ZPBP: variants seen among roughly 807,000 people sequenced by gnomAD.
ZPBP encodes zona pellucida-binding protein 1.
A neutral mutation model predicts 44.8 loss-of-function variants in ZPBP; 26 were observed. The ratio of observed to expected loss-of-function variants is 0.58; its 90% confidence interval spans 0.43 to 0.81. The LOEUF is 0.81. Ranked by LOEUF, ZPBP falls within the 30% of genes least tolerant of loss-of-function variation. The pLI is 0.00. For synonymous variants in ZPBP, 174 were observed against 153.2 expected (o/e 1.14, Z -1.00); for missense variants, 409 against 434.0 (o/e 0.94, Z 0.51).
chr7:50,065,885 C>T lies in ZPBP; in HGVS notation c.335-7744G>A, dbSNP rs546779441. On this transcript the variant is annotated intron_variant, in intron 3 of 7. Transcript: ENST00000046087. ...AAGGCCTGTTCCTTTTAACTTGTAA[C>T]AGTGCTGTCTGTCCTGTAGACCAAA... Among the ~76,000 whole-genome samples the T allele has an allele frequency of 1.2e-4, 18 of 151,096 alleles. No homozygotes were observed. In the East Asian group the frequency reaches 3.5e-3, roughly 29 times the overall value.
At chr7:49,965,100 G>T (rs188289457) in intron 7 of ZPBP, among the ~76,000 whole-genome samples, 116 of 152,088 alleles carry the variant, frequency 7.6e-4, no homozygotes, top group Non-Finnish European at 1.1e-3. Context: ...CAGATCATTG[G>T]CCCAGCTAAT....
chr7:49,962,510 T>C (rs879349650), intron 7 of ZPBP, among the ~76,000 whole-genome samples: 1 of 151,892 alleles, frequency 6.6e-6, no homozygotes, highest in African/African-American at 2.4e-5. Flanking sequence ...ATGGCATTTA[T>C]GAAAAGCCCA....
rs567502568 is a variant in ZPBP, at chr7:49,893,995, G to T, written n.509+7123C>A. On this transcript the variant is annotated intron_variant and non_coding_transcript_variant, in intron 2 of 2. Coordinates refer to the ZPBP transcript ENST00000465922. ...CTCACTGCTTGGAGTTCTGCTCCAT[G>T]GGGGCTGTGTCATTCTGGTGTGACG... Among the ~76,000 whole-genome samples the T allele has an allele frequency of 2.0e-5, 3 of 152,268 alleles. No individual in the cohort carries two copies. In the South Asian group the frequency reaches 6.2e-4, roughly 32 times the overall value.
At chr7:49,894,888 T>C (rs866924233) in intron 2 of ZPBP, among the ~76,000 whole-genome samples, 3 of 152,332 alleles carry the variant, frequency 2.0e-5, no homozygotes, top group Middle Eastern at 3.4e-3. Context: ...AGGGCAGCAG[T>C]AGGCGCCGAA....
Position 50,009,313 on chromosome 7 carries a change from C to T in ZPBP, c.783+8927G>A, listed in dbSNP as rs540250507. ...ACTTAATTCTTCCCTGATATTTCAACGTCCTCTCAAACAGACTGTGAGCAC... is the reference window on the plus strand; with the variant it reads ...ACTTAATTCTTCCCTGATATTTCAATGTCCTCTCAAACAGACTGTGAGCAC... On this transcript the variant is annotated intron_variant, in intron 6 of 7. Transcript: ENST00000046087. Among the ~76,000 whole-genome samples the T allele has an allele frequency of 1.1e-4, 16 of 151,404 alleles. 2 individuals are homozygous for T. Among genetic ancestry groups the T allele is most frequent in the South Asian group, 6.3e-4 (3 of 4,788 alleles).
intron 6 of ZPBP, among the ~76,000 whole-genome samples, chr7:50,013,718 T>C (rs1798686459): frequency 6.6e-6 from 1 of 152,078 alleles, no homozygotes; most frequent in Admixed American, 6.6e-5. Context: ...ATGACCCCGA[T>C]ATGAAAGACT....
intron 1 of ZPBP, chr7:49,913,780 A>G (rs1044918290): frequency 1.3e-5 from 2 of 152,238 alleles, no homozygotes; most frequent in African/African-American, 4.8e-5. Flanking sequence ...TATATAAAAA[A>G]TAATTCAATC....
intron 6 of ZPBP, among the ~76,000 whole-genome samples, chr7:50,005,847 G>C (rs1798286680): frequency 6.6e-6 from 1 of 151,142 alleles, no homozygotes; most frequent in Non-Finnish European, 1.5e-5. Flanking sequence ...GTGTGTGTGT[G>C]TGTGTGTGTG....
intron 7 of ZPBP, among the ~76,000 whole-genome samples, chr7:49,967,482 AAT>A (rs1796109009): frequency 6.6e-6 from 1 of 152,116 alleles, no homozygotes; most frequent in Non-Finnish European, 1.5e-5. Context: ...CTCGGGTGAT[AAT>A]ATTTAGGTAA....
intron 2 of ZPBP, among the ~76,000 whole-genome samples, chr7:49,852,299 C>T (rs901430468): frequency 1.3e-5 from 2 of 152,304 alleles, no homozygotes; most frequent in East Asian, 1.9e-4. Context: ...CTGTGCTCTT[C>T]AAGGACCAAG....
chr7:49,937,035 G>A (rs567159335), downstream of ZPBP, among the ~76,000 whole-genome samples: 1 of 152,176 alleles, frequency 6.6e-6, no homozygotes, highest in African/African-American at 2.4e-5. Flanking sequence ...TTGGAACTAG[G>A]CCTTATATTA....
chr7:49,928,867 G>C (rs959820809), intron 1 of ZPBP, among the ~76,000 whole-genome samples: 1 of 152,188 alleles, frequency 6.6e-6, no homozygotes, highest in Non-Finnish European at 1.5e-5. Flanking sequence ...AAATCCAAAA[G>C]CTGTTTCTCA....
At chr7:50,027,671 T>C (rs1187851729) in intron 5 of ZPBP, among the ~76,000 whole-genome samples, 1 of 151,924 alleles carries the variant, frequency 6.6e-6, no homozygotes, top group Non-Finnish European at 1.5e-5. Context: ...AAAACAAAAC[T>C]GGTTTTTGGA....
chr7:50,080,899 C>T (rs1304002285), intron 3 of ZPBP, among the ~76,000 whole-genome samples: 1 of 151,704 alleles, frequency 6.6e-6, no homozygotes, highest in Admixed American at 6.6e-5. Context: ...AGCACAGCGG[C>T]TTCCACCAAG....
chr7:50,065,104 G>A lies in ZPBP; in HGVS notation c.335-6963C>T, dbSNP rs528061519. On this transcript the variant is annotated intron_variant, in intron 3 of 7. Transcript: ENST00000046087. ...GTCCCTGACTTCCCACAACACTTAT[G>A]TCCACATTTCTTTGATATTTGTGTC... Among the ~76,000 whole-genome samples the A allele has an allele frequency of 2.3e-4, 35 of 152,242 alleles. No individual in the cohort carries two copies. In the South Asian group the frequency reaches 7.1e-3, roughly 31 times the overall value.
chr7:49,842,567 G>A, the ZPBP span, among the ~76,000 whole-genome samples: 14 of 152,152 alleles, frequency 9.2e-5, no homozygotes, highest in Non-Finnish European at 1.6e-4. Flanking sequence ...CCTGTAGGAT[G>A]CTTCCAGAAA....
At chr7:50,064,577 C>T (rs1041043133) in intron 3 of ZPBP, among the ~76,000 whole-genome samples, 4 of 152,202 alleles carry the variant, frequency 2.6e-5, no homozygotes, top group Admixed American at 2.6e-4. Context: ...CACACATTCT[C>T]TTTCTCAGGG....
intron 4 of ZPBP, among the ~76,000 whole-genome samples, chr7:50,056,664 T>C (rs563739747): frequency 6.6e-6 from 1 of 152,298 alleles, no homozygotes; most frequent in Non-Finnish European, 1.5e-5. Flanking sequence ...GGCTACTCCA[T>C]ATTGACAGAG....
chr7:49,892,769 C>T (rs1792199792), intron 2 of ZPBP, among the ~76,000 whole-genome samples: 1 of 152,120 alleles, frequency 6.6e-6, no homozygotes, highest in Non-Finnish European at 1.5e-5. Context: ...ACATTTTATT[C>T]GTTCATTTTT....
Sources: gnomAD v4.1 joint callset for allele counts (sites outside exome capture counted in the v4.1 genomes callset) on GRCh38, gnomAD v4.1.1 for gene constraint, MANE v1.5 for transcripts, NCBI Gene and HGNC (gene_info 2026-07-23, HGNC 2026-07-21) for gene names.